Variants in SHISA5 observed in about 807,000 individuals in gnomAD.
The protein encoded by SHISA5 is protein shisa-5.
Under a neutral mutation model 27.5 loss-of-function variants are expected in SHISA5, and 21 were observed. The ratio of observed to expected loss-of-function variants is 0.76; its 90% CI spans 0.54 to 1.10. The LOEUF (loss-of-function observed/expected upper bound fraction) is 1.10, where lower values mean the gene tolerates loss of function less well. Among genes scored for constraint, SHISA5 ranks in the 50% least tolerant of loss-of-function variants. The pLI, the probability that SHISA5 is intolerant of heterozygous loss-of-function variation, is 0.00. For synonymous variants in SHISA5, 137 were observed against 142.2 expected (o/e 0.96, Z 0.26); for missense variants, 314 against 336.3 (o/e 0.93, Z 0.52).
chr3:48,468,143 G>A lies in SHISA5; in HGVS notation c.*964C>T, dbSNP rs1575295974. 1 of 999,522 alleles carries A rather than the reference G, an allele frequency of 1.0e-6. No homozygotes were observed. Among genetic ancestry groups the A allele is most frequent in the East Asian group, 1.0e-4 (1 of 9,630 alleles). 61.9% of individuals were successfully genotyped at this position (999,522 alleles called of 1,614,324 possible). On this transcript the variant is annotated 3_prime_UTR_variant, in exon 6 of 6. Transcript: ENST00000296444. ...CCATGAGGCTGGTGTCGGGAAGCAG[G>A]GACTCACAGTTGCCAGGTTGTCCAT...
At chr3:48,488,451 TCTC>T (rs2041318551) in intron 2 of SHISA5, among the ~76,000 whole-genome samples, 1 of 150,636 alleles carries the variant, frequency 6.6e-6, no homozygotes, top group Non-Finnish European at 1.5e-5. Flanking sequence ...ATGGTCTTGA[TCTC>T]CTGACCTCAT....
At chr3:48,492,425 G>C (rs1317585619) in intron 2 of SHISA5, among the ~76,000 whole-genome samples, 2 of 148,116 alleles carry the variant, frequency 1.4e-5, no homozygotes, top group African/African-American at 2.6e-5. Flanking sequence ...AGCCGAGATC[G>C]GGCCACTGCA....
chr3:48,477,935 C>T (rs1429269743), intron 3 of SHISA5, among the ~76,000 whole-genome samples: 2 of 152,240 alleles, frequency 1.3e-5, no homozygotes, highest in East Asian at 3.8e-4. Flanking sequence ...CGACTTCCCA[C>T]CTCCCACACC....
rs867041356 is a variant in SHISA5, at chr3:48,473,496, C to G, written c.315-3653G>C. 4 of 1,290,818 alleles carry G rather than the reference C, an allele frequency of 3.1e-6. No individual in the cohort carries two copies. The Middle Eastern group carries it at 8.5e-4, about 275-fold the overall frequency. 80.0% of individuals were successfully genotyped at this position (1,290,818 alleles called of 1,614,324 possible). A position where few individuals can be genotyped will look rare whatever the true frequency, so the allele number is the denominator to read the frequency against. On this transcript the variant is annotated intron_variant, in intron 3 of 5. Transcript: ENST00000296444. This position sits in a 1 kb window ranked among gnomAD's most constrained non-coding sequence, Gnocchi z 4.3. ...ATCCATCTAGGCCCAGAGGGCGACC[C>G]TGGGGCCCTGGCTGACACACATGCA...
At chr3:48,477,496 C>A (rs1290771253) in intron 3 of SHISA5, among the ~76,000 whole-genome samples, 1 of 151,826 alleles carries the variant, frequency 6.6e-6, no homozygotes, top group East Asian at 1.9e-4. Flanking sequence ...CCTGAACTCC[C>A]GGCCTACAGC....
intron 2 of SHISA5, among the ~76,000 whole-genome samples, chr3:48,500,735 C>T (rs1033351668): frequency 3.9e-5 from 6 of 152,218 alleles, no homozygotes; most frequent in Non-Finnish European, 8.8e-5. Flanking sequence ...ACCCTACAGG[C>T]TCCACAAGCG....
Position 48,469,163 on chromosome 3 carries a change from C to T in SHISA5, c.667G>A (p.Ala223Thr), listed in dbSNP as rs181812731. The change falls in exon 6 of 6, where the codon GCC becomes ACC. Residue 223 changes from alanine to threonine, a missense_variant. Coordinates refer to ENST00000296444, the MANE Select transcript of SHISA5 (RefSeq NM_016479.6). This position sits in a 1 kb window ranked among gnomAD's most constrained non-coding sequence, Gnocchi z 4.6. ...LAGGAAAPYP[A>T]SQPPYNPAYM... is the part of the protein sequence containing the mutation. ...GCCGGGTTGTAAGGAGGCTGGCTGG[C>T]GGGGTAGGGCGCGGCTGCTCCTCCT... 55 of 1,612,560 alleles carry T rather than the reference C, an allele frequency of 3.4e-5. No individual in the cohort carries two copies. Among genetic ancestry groups the T allele is most frequent in the East Asian group, 4.5e-5 (2 of 44,874 alleles).
chr3:48,482,639 C>G (rs1575317017), intron 2 of SHISA5, among the ~76,000 whole-genome samples: 1 of 146,062 alleles, frequency 6.8e-6, no homozygotes, highest in East Asian at 2.0e-4. Flanking sequence ...TGAAAACTCA[C>G]TTTTTTTTTT....
At position 48,469,853 on chromosome 3, in the gene SHISA5, A is replaced by G; in HGVS notation, c.315-10T>C. On this transcript the variant is annotated splice_polypyrimidine_tract_variant and intron_variant, in intron 3 of 5. Transcript: ENST00000296444. This position sits in a 1 kb window ranked among gnomAD's most constrained non-coding sequence, Gnocchi z 4.6. The stretch of plus-strand genomic sequence containing the variant: ...CAAGGTCGCTCCGAACCTGCCAAAG[A>G]GCTAGACGTGACCCGGGGCACCTCG... 6.2e-7 allele frequency: 1 copy of G among 1,611,304 alleles called. No individual in the cohort carries two copies. Among genetic ancestry groups the G allele is most frequent in the Non-Finnish European group, 8.5e-7 (1 of 1,178,722 alleles).
At chr3:48,503,626 GACATTAA>G (rs1429743634) in intron 1 of SHISA5, 1 of 869,552 alleles carries the variant, frequency 1.2e-6, no homozygotes, top group African/African-American at 1.8e-5. Context: ...GGGGCTCCCA[GACATTAA>G]ACAGAGGCAA....
rs1469211027 is a variant in SHISA5, at chr3:48,469,595, G to A, written c.431-22C>T. The A allele has an allele frequency of 6.3e-7, 1 of 1,597,806 alleles. No homozygotes were observed. The highest frequency in any genetic ancestry group is 1.1e-5 in the South Asian group (1 of 88,658). On this transcript the variant is annotated intron_variant, in intron 4 of 5. Coordinates refer to ENST00000296444, the MANE Select transcript of SHISA5 (RefSeq NM_016479.6). The surrounding 1 kb of genome is among the most constrained non-coding windows in gnomAD (Gnocchi z 4.6). ...ACCGCTGCAAAGAGAATTCCAGTCAGGACCCTCCTCCATCTCCCCAGGTCT... is the reference window on the plus strand; with the variant it reads ...ACCGCTGCAAAGAGAATTCCAGTCAAGACCCTCCTCCATCTCCCCAGGTCT...
chr3:48,498,508 G>A (rs528517019), intron 2 of SHISA5, among the ~76,000 whole-genome samples: 1 of 152,160 alleles, frequency 6.6e-6, no homozygotes, highest in African/African-American at 2.4e-5. Flanking sequence ...GCAACACAGT[G>A]AAACCCTGTC....
chr3:48,498,808 G>C (rs558012062), intron 2 of SHISA5, among the ~76,000 whole-genome samples: 23 of 152,038 alleles, frequency 1.5e-4, no homozygotes, highest in African/African-American at 5.5e-4. Flanking sequence ...GCATACGGGC[G>C]CGGTGGCTCA....
At chr3:48,489,098 A>G (rs889359504) in intron 2 of SHISA5, among the ~76,000 whole-genome samples, 2 of 152,116 alleles carry the variant, frequency 1.3e-5, no homozygotes, top group Non-Finnish European at 2.9e-5. Flanking sequence ...CCATAGAGCA[A>G]GCTTGTCCAA....
chr3:48,479,279 AT>A, intron 2 of SHISA5, 22 bp from the exon 3 acceptor site: 1 of 1,594,166 alleles, frequency 6.3e-7, no homozygotes. Context: ...AAACCTTGTG[AT>A]TAGCACAATG....
intron 2 of SHISA5, among the ~76,000 whole-genome samples, chr3:48,491,358 T>C (rs1363811696): frequency 7.9e-5 from 12 of 152,104 alleles, no homozygotes; most frequent in Non-Finnish European, 1.5e-5. Flanking sequence ...GACCTCGTGA[T>C]CCGCCCGCCT....
chr3:48,475,944 C>A (rs1248435355), intron 3 of SHISA5, among the ~76,000 whole-genome samples: 1 of 152,230 alleles, frequency 6.6e-6, no homozygotes, highest in Non-Finnish European at 1.5e-5. Flanking sequence ...CACACTATAA[C>A]CCCTGCCATG....
At chr3:48,471,578 A>AAAAAAAAAAAAAAACT (rs199983750) in intron 3 of SHISA5, among the ~76,000 whole-genome samples, 2 of 113,620 alleles carry the variant, frequency 1.8e-5, no homozygotes, top group Non-Finnish European at 3.4e-5. Flanking sequence ...AAAAAAAAAA[A>AAAAAAAAAAAAAAACT]GTCAGCCTTA....
In SHISA5 at chr3:48,469,873, A is replaced by C; in HGVS notation, c.315-30T>G. 1.3e-6 allele frequency: 2 copies of C among 1,596,990 alleles called. No homozygotes were observed. The highest frequency in any genetic ancestry group is 1.7e-6 in the Non-Finnish European group (2 of 1,171,770). ...CAAAGAGCTAGACGTGACCCGGGGC[A>C]CCTCGCCCCTCCCCAGACCAGCATC... is the stretch of plus-strand genomic sequence containing the variant. On this transcript the variant is annotated intron_variant, in intron 3 of 5. Coordinates refer to ENST00000296444, the MANE Select transcript of SHISA5 (RefSeq NM_016479.6). The surrounding 1 kb of genome is among the most constrained non-coding windows in gnomAD (Gnocchi z 4.6).
Sources: allele counts gnomAD v4.1 joint callset (sites outside exome capture counted in the v4.1 genomes callset), GRCh38; gene constraint gnomAD v4.1.1; non-coding constraint Gnocchi (gnomAD v3.1); transcripts MANE v1.5; gene names NCBI Gene and HGNC (gene_info 2026-07-23, HGNC 2026-07-21).